The following ACACA variants were observed in gnomAD, a reference collection of about 807,000 sequenced individuals.
ACACA encodes acetyl-CoA carboxylase alpha, also known as acetyl-CoA carboxylase 1.
Under a neutral mutation model 296.1 loss-of-function variants are expected in ACACA, and 103 were observed. The observed-to-expected ratio is 0.35, with a 90% CI of 0.30 to 0.41. The LOEUF (loss-of-function observed/expected upper bound fraction) is 0.41. Ranked by LOEUF, ACACA falls within the 10% of genes least tolerant of loss-of-function variation. ACACA has a pLI of 1.00. For synonymous variants in ACACA, 953 were observed against 1,038.6 expected, an observed-to-expected ratio of 0.92 and a Z score of 1.58; for missense variants, 1,554 against 2,989.7, an observed-to-expected ratio of 0.52 and a Z score of 11.20.
chr17:37,216,143 C>T (rs1298113830), intron 29 of ACACA, among the ~76,000 whole-genome samples: 1 of 135,288 alleles, frequency 7.4e-6, no homozygotes, highest in Non-Finnish European at 1.6e-5. Context: ...CACACACACA[C>T]ACACACACAC....
At chr17:37,174,872 AC>A (rs1323801292) in intron 41 of ACACA, among the ~76,000 whole-genome samples, 2 of 152,078 alleles carry the variant, frequency 1.3e-5, no homozygotes, top group Non-Finnish European at 2.9e-5. Flanking sequence ...TCCCAGAAAA[AC>A]TTTTATACCA....
intron 1 of ACACA, among the ~76,000 whole-genome samples, chr17:37,362,178 T>C (rs1199650726): frequency 6.6e-6 from 1 of 152,226 alleles, no homozygotes; most frequent in Non-Finnish European, 1.5e-5. Flanking sequence ...CTTGGACTTC[T>C]AGCCTTCAGA....
intron 41 of ACACA, among the ~76,000 whole-genome samples, chr17:37,174,014 A>ATTTTT (rs1184132097): frequency 1.0e-3 from 14 of 14,004 alleles, no homozygotes; most frequent in Admixed American, 1.5e-3. Flanking sequence ...ATATATATAT[A>ATTTTT]TATATATTTT....
At chr17:37,102,676 A>G (rs2073435075) in intron 52 of ACACA, among the ~76,000 whole-genome samples, 1 of 152,232 alleles carries the variant, frequency 6.6e-6, no homozygotes, top group Non-Finnish European at 1.5e-5. Context: ...GTTAAGAGCA[A>G]GGCTCAGCAC....
Position 37,274,282 on chromosome 17 carries a change from G to T in ACACA, c.919C>A (p.Gln307Lys). The T allele has an allele frequency of 6.2e-7, 1 of 1,614,022 alleles. No homozygotes were observed. Among genetic ancestry groups the T allele is most frequent in the African/African-American group, 1.3e-5 (1 of 75,012 alleles). Residue 307 changes from glutamine (Q) to lysine (K), a missense_variant, in exon 9 of 56, where the codon CAG (glutamine) becomes AAG (lysine). By Grantham distance (53) the Gln-to-Lys change is moderately conservative. Transcript: ENST00000616317. ...ATACGTTTTGAAAAATCATTTTCCT[G>T]CCAGTCCACACGAAGACCTGCAACA... ...WSGSGLRVDWQENDFSKRILN... is the reference protein window; with the variant it reads ...WSGSGLRVDWKENDFSKRILN...
chr17:37,139,210 A>G (rs186065171), intron 45 of ACACA, among the ~76,000 whole-genome samples: 11 of 152,322 alleles, frequency 7.2e-5, no homozygotes, highest in African/African-American at 2.2e-4. Context: ...GAAGAAACCA[A>G]TCTTCCTAAG....
At chr17:37,273,510 A>C (rs1169712825) in intron 9 of ACACA, among the ~76,000 whole-genome samples, 1 of 152,202 alleles carries the variant, frequency 6.6e-6, no homozygotes, top group Non-Finnish European at 1.5e-5. Flanking sequence ...GTCAACTTGG[A>C]AGGAGGGACT....
intron 25 of ACACA, among the ~76,000 whole-genome samples, chr17:37,229,100 G>A (rs1381226689): frequency 3.3e-5 from 5 of 149,380 alleles, no homozygotes; most frequent in African/African-American, 9.8e-5. Context: ...GCCGAGATCC[G>A]GCCACTGCAC....
chr17:37,235,188 G>C, intron 24 of ACACA, 89 bp from the exon 25 acceptor site: 2 of 1,485,350 alleles, frequency 1.3e-6, no homozygotes, highest in Non-Finnish European at 1.9e-6. Context: ...TAATTTATGA[G>C]ACGAGCAGTG....
chr17:37,167,083 T>C (rs1021102018), intron 41 of ACACA, among the ~76,000 whole-genome samples: 1 of 150,782 alleles, frequency 6.6e-6, no homozygotes, highest in Non-Finnish European at 1.5e-5. Flanking sequence ...TAGCTGGGAT[T>C]ACAGGTGCAT....
chr17:37,316,069 AGGAAC>A (rs2047071148), intron 3 of ACACA, among the ~76,000 whole-genome samples: 2 of 152,286 alleles, frequency 1.3e-5, no homozygotes, highest in South Asian at 4.1e-4. Flanking sequence ...CAAGGGCTTT[AGGAAC>A]TGTGTGCCAG....
intron 50 of ACACA, among the ~76,000 whole-genome samples, chr17:37,114,487 T>C (rs2074139295): frequency 6.7e-6 from 1 of 148,188 alleles, no homozygotes; most frequent in Admixed American, 6.8e-5. Context: ...GCTGTGATCA[T>C]GCTGCTGTAC....
At chr17:37,292,309 G>A (rs2083107964) in intron 3 of ACACA, among the ~76,000 whole-genome samples, 1 of 152,120 alleles carries the variant, frequency 6.6e-6, no homozygotes, top group African/African-American at 2.4e-5. Flanking sequence ...AGTCTTTCAA[G>A]GTTTACCCTT....
At chr17:37,117,832 A>T (rs1327939067) in intron 50 of ACACA, among the ~76,000 whole-genome samples, 1 of 151,568 alleles carries the variant, frequency 6.6e-6, no homozygotes, top group Non-Finnish European at 1.5e-5. Flanking sequence ...TCAGCATAGC[A>T]AGAGCTGTCT....
Position 37,258,205 on chromosome 17 carries a change from G to A in ACACA, c.1662+7C>T, listed in dbSNP as rs994820277. ...AGGAGGTATAAACCTTTTAAGTGATGGGTTACCTCATCTGGATTTTCACTA... is the reference window on the plus strand; with the variant it reads ...AGGAGGTATAAACCTTTTAAGTGATAGGTTACCTCATCTGGATTTTCACTA... On this transcript the variant is annotated splice_region_variant and intron_variant, in intron 13 of 55. Transcript: ENST00000616317. 10 of 1,613,906 alleles carry A rather than the reference G, an allele frequency of 6.2e-6. No individual in the cohort carries two copies. In the East Asian group the frequency reaches 2.0e-4, roughly 32 times the overall value.
rs1295478922 is a variant in ACACA, at chr17:37,284,921, T to C, written c.388A>G (p.Lys130Glu). ...GTGAAATCTCGTTGAGAATCTATTT[T>C]CTTTCTGTCTCGGCCCTGCTTTACT... ...HLVKQGRDRK[K>E]IDSQRDFTVA... Residue 130 changes from lysine (K) to glutamate (E), a missense_variant, in exon 4 of 56, where the codon AAA becomes GAA. Coordinates refer to ENST00000616317, the MANE Select transcript of ACACA (RefSeq NM_198834.3). 6.2e-7 allele frequency: 1 copy of C among 1,614,164 alleles called. No homozygotes were observed. Among genetic ancestry groups the C allele is most frequent in the Non-Finnish European group, 8.5e-7 (1 of 1,180,018 alleles).
At position 37,134,466 on chromosome 17, in the gene ACACA, T is replaced by C. The variant is rs377076890; in HGVS notation, c.5680-4248A>G. On this transcript the variant is annotated intron_variant, in intron 45 of 55. Coordinates refer to ENST00000616317, the MANE Select transcript of ACACA (RefSeq NM_198834.3). Reference sequence around the variant, plus strand: ...CATTGAGATTTCCAAGTTTCACAGATGCAACTTAGCTCAATTTTTTAAAAA... The same window carrying C: ...CATTGAGATTTCCAAGTTTCACAGACGCAACTTAGCTCAATTTTTTAAAAA... 4.7e-4 allele frequency among the ~76,000 whole-genome samples: 71 copies of C among 152,342 alleles called. 1 individual carries two copies. In the South Asian group the frequency reaches 9.9e-3, roughly 21 times the overall value.
intron 1 of ACACA, among the ~76,000 whole-genome samples, chr17:37,353,875 AG>A: frequency 6.6e-6 from 1 of 152,208 alleles, no homozygotes; most frequent in Non-Finnish European, 1.5e-5. Context: ...TGGGAGGCCA[AG>A]GCAGGAGGAT....
At chr17:37,234,620 C>T (rs1431190820) in intron 25 of ACACA, among the ~76,000 whole-genome samples, 1 of 151,678 alleles carries the variant, frequency 6.6e-6, no homozygotes, top group Non-Finnish European at 1.5e-5. Flanking sequence ...ATCTATGGAA[C>T]AAGAGTTAAA....
Sources: allele counts gnomAD v4.1 joint callset (sites outside exome capture counted in the v4.1 genomes callset), GRCh38; gene constraint gnomAD v4.1.1; transcripts MANE v1.5; gene names NCBI Gene and HGNC (gene_info 2026-07-23, HGNC 2026-07-21).